ZFAND3: variants seen among roughly 807,000 people sequenced by gnomAD.
ZFAND3 encodes the protein AN1-type zinc finger protein 3.
ZFAND3 carries 10 observed loss-of-function variants against 29.6 expected under a neutral mutation model. That is an observed-to-expected ratio of 0.34 (90% CI 0.21 to 0.57). The LOEUF (loss-of-function observed/expected upper bound fraction) is 0.57, where lower values mean the gene tolerates loss of function less well. ZFAND3 is among the 20% of genes least tolerant of loss of function. The pLI is 0.86. For missense variants in ZFAND3, 230 were observed against 304.5 expected, an observed-to-expected ratio of 0.76 and a Z score of 1.82; for synonymous variants, 128 against 112.6, an observed-to-expected ratio of 1.14 and a Z score of -0.87.
chr6:37,917,305 G>A (rs991581552), intron 1 of ZFAND3, among the ~76,000 whole-genome samples: 1 of 152,130 alleles, frequency 6.6e-6, no homozygotes, highest in Non-Finnish European at 1.5e-5. Flanking sequence ...TTTAATGGGT[G>A]ACAAAACCCA....
chr6:37,913,708 C>CTTT (rs56045448), intron 1 of ZFAND3, among the ~76,000 whole-genome samples: 2,000 of 113,004 alleles, frequency 0.018, 94 homozygotes, highest in African/African-American at 0.05. Flanking sequence ...CAGCTATATT[C>CTTT]TTTTTTTTTT....
chr6:37,907,013 C>A (rs1765420684), intron 1 of ZFAND3, among the ~76,000 whole-genome samples: 1 of 151,760 alleles, frequency 6.6e-6, no homozygotes, highest in Admixed American at 6.6e-5. Context: ...GACTTCATTA[C>A]TTTTTAAGTA....
chr6:37,933,852 T>C (rs1287605110), intron 2 of ZFAND3, among the ~76,000 whole-genome samples: 1 of 152,070 alleles, frequency 6.6e-6, no homozygotes, highest in Non-Finnish European at 1.5e-5. Context: ...GCTAAAATCA[T>C]TTAAGACTGT....
chr6:37,982,252 A>AT (rs1762593356), intron 2 of ZFAND3, among the ~76,000 whole-genome samples: 1 of 151,700 alleles, frequency 6.6e-6, no homozygotes, highest in Non-Finnish European at 1.5e-5. Context: ...TAGGGATAGA[A>AT]TAAGAGTCAG....
chr6:37,877,373 TTTTTTA>T (rs1764812607), intron 1 of ZFAND3, among the ~76,000 whole-genome samples: 1 of 152,200 alleles, frequency 6.6e-6, no homozygotes, highest in Non-Finnish European at 1.5e-5. Context: ...TTTGTTTTTG[TTTTTTA>T]ATTTTTCCCT....
intron 1 of ZFAND3, among the ~76,000 whole-genome samples, chr6:37,864,738 TACACACACACACACAC>T (rs70977698): frequency 6.7e-6 from 1 of 148,984 alleles, no homozygotes; most frequent in Non-Finnish European, 1.5e-5. Flanking sequence ...TATGTGGTTA[TACACACACACACACAC>T]ACACACACAC....
chr6:37,855,117 G>A (rs886343387), intron 1 of ZFAND3, among the ~76,000 whole-genome samples: 1 of 150,714 alleles, frequency 6.6e-6, no homozygotes, highest in Non-Finnish European at 1.5e-5. Context: ...AGCGCTAAGG[G>A]AGTCATTTTG....
chr6:38,152,210 T>C (rs775719751), intron 5 of ZFAND3, 25 bp from the exon 6 acceptor site: 5 of 1,490,742 alleles, frequency 3.4e-6, no homozygotes, highest in Non-Finnish European at 4.5e-6. Flanking sequence ...ACACACTCTT[T>C]CCTCTGCTTC....
chr6:38,124,454 C>T (rs182082041), intron 5 of ZFAND3, among the ~76,000 whole-genome samples: 35 of 152,306 alleles, frequency 2.3e-4, no homozygotes, highest in Admixed American at 1.6e-3. Flanking sequence ...TCAGGCATGG[C>T]GGGCTGCAGG....
At chr6:37,870,868 G>A (rs932680151) in intron 1 of ZFAND3, among the ~76,000 whole-genome samples, 2 of 152,024 alleles carry the variant, frequency 1.3e-5, no homozygotes, top group Admixed American at 6.6e-5. Flanking sequence ...TCTTATGATT[G>A]TTTTCTTATA....
chr6:37,819,977 C>T lies in ZFAND3; in HGVS notation c.32C>T (p.Ala11Val), dbSNP rs1483063146. 1 of 1,222,274 alleles carries T rather than the reference C, an allele frequency of 8.2e-7. No individual in the cohort carries two copies. The highest frequency in any genetic ancestry group is 1.0e-6 in the Non-Finnish European group (1 of 981,890). The allele number at this position is 1,222,274 out of a possible 1,614,324, so 75.7% of individuals were successfully genotyped here. A position where few individuals can be genotyped will look rare whatever the true frequency, so the allele number is the denominator to read the frequency against. The part of the protein sequence containing the change: MGDAGSERSK[A>V]PSLPPRCPCG... ...GACGCTGGGAGCGAGCGCAGCAAAG[C>T]GCCCAGCCTGCCGCCTCGCTGTCCC... The change falls in exon 1 of 6, where the codon GCG becomes GTG. Residue 11 changes from alanine (A) to valine (V), a missense_variant. Ala to Val is a moderately conservative substitution (Grantham distance 64). This residue lies in a region of ZFAND3 where 180 missense variants were observed against 202.5 expected (regional missense o/e 0.89). Coordinates refer to ENST00000287218, the MANE Select transcript of ZFAND3 (RefSeq NM_021943.3).
chr6:38,114,777 A>G (rs182301050), intron 4 of ZFAND3, among the ~76,000 whole-genome samples: 7 of 152,322 alleles, frequency 4.6e-5, no homozygotes, highest in Non-Finnish European at 1.0e-4. Context: ...GTGGCTTCTC[A>G]CTAGAGCCAC....
chr6:38,081,473 A>G (rs1764660445), intron 3 of ZFAND3, among the ~76,000 whole-genome samples: 1 of 152,102 alleles, frequency 6.6e-6, no homozygotes, highest in African/African-American at 2.4e-5. Context: ...AGTAAATTAA[A>G]TGATATGAAT....
chr6:37,819,927 T>A lies in ZFAND3; in HGVS notation c.-19T>A, dbSNP rs1763628438. 3 of 1,210,122 alleles carry A rather than the reference T, an allele frequency of 2.5e-6. No individual in the cohort carries two copies. The highest frequency in any genetic ancestry group is 3.9e-5 in the South Asian group (1 of 25,358). 75.0% of individuals were successfully genotyped at this position (1,210,122 alleles called of 1,614,324 possible). A position where few individuals can be genotyped will look rare whatever the true frequency, so the allele number is the denominator to read the frequency against. ...GCCGCCACCGCTGCCGCCGCCGAGC[T>A]CCGCCGCCGCCGAGCACCATGGGAG... On this transcript the variant is annotated 5_prime_UTR_variant, in exon 1 of 6. Coordinates refer to ENST00000287218, the MANE Select transcript of ZFAND3 (RefSeq NM_021943.3).
rs35136153 is a variant in ZFAND3, at chr6:38,042,313, C to CT, written c.113-19262dup. Among the ~76,000 whole-genome samples the CT allele has an allele frequency of 7.7e-3, 708 of 91,876 alleles. 11 individuals carry two copies. Among genetic ancestry groups the CT allele is most frequent in the Middle Eastern group, 0.022 (4 of 182 alleles). 60.3% of individuals were successfully genotyped at this position (91,876 alleles called of 152,430 possible). On this transcript the variant is annotated intron_variant, in intron 2 of 5. Coordinates refer to ENST00000287218, the MANE Select transcript of ZFAND3 (RefSeq NM_021943.3). ...CACATATAACTCCTTCTTGAGCTTG[C>CT]TTTTTTTTTTTTTTTTTTGAGATGG...
At chr6:38,133,006 G>A (rs1765771989) in intron 5 of ZFAND3, among the ~76,000 whole-genome samples, 1 of 152,224 alleles carries the variant, frequency 6.6e-6, no homozygotes, top group Non-Finnish European at 1.5e-5. Flanking sequence ...TGATATTGGA[G>A]CATGAAGGAC....
intron 2 of ZFAND3, chr6:38,003,820 A>C (rs991917169): frequency 2.2e-6 from 1 of 452,326 alleles, no homozygotes; most frequent in African/African-American, 2.0e-5. Context: ...CAGAATCTTA[A>C]CATTGCTATT....
rs758221563 is a variant in ZFAND3, at chr6:37,880,223, A to C, written c.72-49736A>C. On this transcript the variant is annotated intron_variant, in intron 1 of 5. Coordinates refer to ENST00000287218, the MANE Select transcript of ZFAND3 (RefSeq NM_021943.3). ...CTTCATATTTCAAAACTGTATTAACAGCTTTAGAAATAAACTTTACAGTAG... is the reference window on the plus strand; with the variant it reads ...CTTCATATTTCAAAACTGTATTAACCGCTTTAGAAATAAACTTTACAGTAG... 2.0e-5 allele frequency among the ~76,000 whole-genome samples: 3 copies of C among 152,256 alleles called. No homozygotes were observed. In the East Asian group the frequency reaches 5.8e-4, roughly 29 times the overall value.
intron 2 of ZFAND3, among the ~76,000 whole-genome samples, chr6:38,029,799 G>A (rs1008172752): frequency 2.6e-5 from 4 of 151,946 alleles, no homozygotes; most frequent in South Asian, 4.1e-4. Context: ...TCCAGTAATC[G>A]TATAAATTAT....
Sources: gnomAD v4.1 joint callset for allele counts (sites outside exome capture counted in the v4.1 genomes callset) on GRCh38, gnomAD v4.1.1 for gene constraint, gnomAD v4.1.1 regional missense constraint, MANE v1.5 for transcripts, NCBI Gene and HGNC (gene_info 2026-07-23, HGNC 2026-07-21) for gene names.